Variants in TMPRSS11D observed in about 807,000 individuals in gnomAD.
The protein encoded by TMPRSS11D is transmembrane serine protease 11D.
In TMPRSS11D, 32 loss-of-function variants were observed where a neutral mutation model predicts 44.4. The ratio of observed to expected loss-of-function variants is 0.72; its 90% CI spans 0.54 to 0.97. TMPRSS11D has a LOEUF of 0.97. TMPRSS11D is among the 50% of genes least tolerant of loss of function. The probability of loss-of-function intolerance (pLI) is 0.00; values close to 1 mark genes in which losing one functional copy is unlikely to be tolerated. For missense variants in TMPRSS11D, 446 were observed against 502.6 expected (o/e 0.89, Z 1.08); for synonymous variants, 179 against 177.9 (o/e 1.01, Z -0.05).
intron 1 of TMPRSS11D, among the ~76,000 whole-genome samples, chr4:67,862,560 A>C (rs982075240): frequency 6.6e-6 from 1 of 152,150 alleles, no homozygotes; most frequent in Non-Finnish European, 1.5e-5. Flanking sequence ...ACTGCACATC[A>C]TCATTTCCAA....
chr4:67,844,583 G>A (rs1450427705), intron 3 of TMPRSS11D, among the ~76,000 whole-genome samples: 2 of 151,944 alleles, frequency 1.3e-5, no homozygotes, highest in Non-Finnish European at 2.9e-5. Flanking sequence ...AGACCAGTCT[G>A]GCCAACATGG....
chr4:67,847,976 C>T (rs1560542429), intron 3 of TMPRSS11D, among the ~76,000 whole-genome samples: 1 of 152,112 alleles, frequency 6.6e-6, no homozygotes, highest in African/African-American at 2.4e-5. Flanking sequence ...CAAGTATGTG[C>T]CAAATTCTCT....
At chr4:67,851,464 C>A (rs1330461542) in intron 3 of TMPRSS11D, among the ~76,000 whole-genome samples, 1 of 152,178 alleles carries the variant, frequency 6.6e-6, no homozygotes, top group Non-Finnish European at 1.5e-5. Flanking sequence ...ATTTTAACTC[C>A]CTGGAGCCAC....
intron 4 of TMPRSS11D, among the ~76,000 whole-genome samples, chr4:67,839,818 A>AC (rs1718185961): frequency 6.6e-6 from 1 of 151,584 alleles, no homozygotes. Context: ...TACTCCCAGA[A>AC]CCTTTTTTTT....
At chr4:67,823,152 T>C (rs576284919) in intron 9 of TMPRSS11D, among the ~76,000 whole-genome samples, 1 of 152,340 alleles carries the variant, frequency 6.6e-6, no homozygotes, top group East Asian at 1.9e-4. Context: ...ATTTGTTGAA[T>C]GAATGAGTTT....
At chr4:67,836,378 C>A (rs1168648911) in intron 5 of TMPRSS11D, among the ~76,000 whole-genome samples, 1 of 152,090 alleles carries the variant, frequency 6.6e-6, no homozygotes, top group African/African-American at 2.4e-5. Flanking sequence ...TTATTTCCTG[C>A]AAGTTAAATT....
At chr4:67,830,475 G>A (rs542929967) in intron 7 of TMPRSS11D, among the ~76,000 whole-genome samples, 52 of 152,172 alleles carry the variant, frequency 3.4e-4, no homozygotes, top group African/African-American at 1.0e-3. Context: ...GGAGTTTTAT[G>A]GAGATTAGAT....
At chr4:67,849,975 G>A (rs1718454057) in intron 3 of TMPRSS11D, among the ~76,000 whole-genome samples, 1 of 152,070 alleles carries the variant, frequency 6.6e-6, no homozygotes, top group African/African-American at 2.4e-5. Context: ...TACTATTCAT[G>A]TATCATTTTA....
At chr4:67,829,110 TG>T (rs201914104) in intron 7 of TMPRSS11D, among the ~76,000 whole-genome samples, 10,024 of 152,028 alleles carry the variant, frequency 0.066, 455 homozygotes, top group African/African-American at 0.12. Context: ...GACTTATTTT[TG>T]TTCCCTAATC....
Position 67,865,801 on chromosome 4 carries a change from GA to G in TMPRSS11D, c.9-6124del, listed in dbSNP as rs141032360. 2.9e-3 allele frequency among the ~76,000 whole-genome samples: 440 copies of G among 151,644 alleles called. 1 individual carries two copies. The highest frequency in any genetic ancestry group is 9.9e-3 in the African/African-American group (411 of 41,398). ...TTACAGATTAAACCAGGCAAAAATA[GA>G]AATCCCAAACAGACCAATAATGAGT... is the stretch of plus-strand genomic sequence containing the variant. On this transcript the variant is annotated intron_variant, in intron 1 of 9. Transcript: ENST00000283916.
intron 5 of TMPRSS11D, chr4:67,837,956 G>T: frequency 2.6e-6 from 1 of 384,504 alleles, no homozygotes; most frequent in Non-Finnish European, 4.5e-6. Context: ...AGAATTTTTA[G>T]CAAATAAAAT....
chr4:67,865,491 T>C (rs1718901618), intron 1 of TMPRSS11D, among the ~76,000 whole-genome samples: 2 of 151,694 alleles, frequency 1.3e-5, no homozygotes, highest in South Asian at 4.1e-4. Flanking sequence ...AGAGCAGAAC[T>C]AAATAAAATT....
intron 7 of TMPRSS11D, among the ~76,000 whole-genome samples, chr4:67,829,204 T>A (rs1717880778): frequency 6.6e-6 from 1 of 152,034 alleles, no homozygotes; most frequent in Admixed American, 6.6e-5. Context: ...ATTGACATAG[T>A]TAAATTCTCA....
At chr4:67,839,927 C>T (rs532383701) in intron 4 of TMPRSS11D, among the ~76,000 whole-genome samples, 52 of 150,810 alleles carry the variant, frequency 3.4e-4, no homozygotes, top group Admixed American at 6.0e-4. Context: ...GTGTGCTGCA[C>T]CCATTAACTC....
rs755483863 is a variant in TMPRSS11D at position 67,854,179 on chromosome 4, T to C, written c.138A>G (p.Lys46=). The C allele has an allele frequency of 4.7e-6, 7 of 1,504,282 alleles. No individual in the cohort carries two copies. Among genetic ancestry groups the C allele is most frequent in the Non-Finnish European group, 6.4e-6 (7 of 1,097,744 alleles). The allele number at this position is 1,504,282 out of a possible 1,614,324, so 93.2% of individuals were successfully genotyped here. ...GAAAACTGCTCCTATAAAAGTAAGA[T>C]TTTTGATCTGAAAAAGAAATAAAAG... ...LLVYFLAFDQ[K]SYFYRSSFQL... is the part of the protein sequence containing the mutation. The change falls in exon 3 of 10, where the codon AAA becomes AAG. Residue 46 remains lysine (K), a synonymous_variant. Transcript: ENST00000283916.
chr4:67,827,364 GGTGACACT>G lies in TMPRSS11D; in HGVS notation c.841_848del (p.Ser281LeufsTer7). 1.2e-6 allele frequency: 2 copies of G among 1,613,190 alleles called. No homozygotes were observed. The highest frequency in any genetic ancestry group is 1.7e-6 in the Non-Finnish European group (2 of 1,179,546). ...ACACACTATGGATATCTTTGGTAAA[GGTGACACT>G]GTTCTCAAGTCTCACAAGTGCAATG... On this transcript the variant is annotated frameshift_variant, in exon 8 of 10. Coordinates refer to ENST00000283916, the MANE Select transcript of TMPRSS11D (RefSeq NM_004262.3). LOFTEE classifies it high-confidence loss of function.
intron 7 of TMPRSS11D, among the ~76,000 whole-genome samples, chr4:67,829,884 A>G (rs1410740838): frequency 1.3e-5 from 2 of 151,978 alleles, no homozygotes; most frequent in Non-Finnish European, 2.9e-5. Context: ...GTGGAGGGAA[A>G]TGGGGCCTCT....
At chr4:67,881,434 A>G (rs191047792) in intron 1 of TMPRSS11D, among the ~76,000 whole-genome samples, 64 of 152,286 alleles carry the variant, frequency 4.2e-4, no homozygotes, top group Non-Finnish European at 7.8e-4. Flanking sequence ...CATTTGGGCC[A>G]AATGCAGCAG....
chr4:67,843,240 C>G (rs530669544), intron 3 of TMPRSS11D, among the ~76,000 whole-genome samples: 5 of 150,746 alleles, frequency 3.3e-5, no homozygotes, highest in Non-Finnish European at 7.4e-5. Context: ...TGGCCTCTAA[C>G]TGTTGTGCTT....
Sources: gnomAD v4.1 joint callset for allele counts (sites outside exome capture counted in the v4.1 genomes callset) on GRCh38, gnomAD v4.1.1 for gene constraint, MANE v1.5 for transcripts, NCBI Gene and HGNC (gene_info 2026-07-23, HGNC 2026-07-21) for gene names.